TTLL5: variants seen among roughly 807,000 people sequenced by gnomAD.
The protein encoded by TTLL5 is tubulin polyglutamylase TTLL5.
In TTLL5, 132 loss-of-function variants were observed where a neutral mutation model predicts 168.4. The observed-to-expected ratio is 0.78, with a 90% confidence interval of 0.68 to 0.91. The LOEUF is 0.91. Among genes scored for constraint, TTLL5 ranks in the 40% least tolerant of loss-of-function variants. The pLI is 0.00. For synonymous variants in TTLL5, 546 were observed against 558.6 expected (o/e 0.98, Z 0.32); for missense variants, 1,545 against 1,581.5 (o/e 0.98, Z 0.39).
rs1595121382 is a variant in TTLL5 at position 75,834,604 on chromosome 14, C to A, written c.3326+14443C>A. Among the ~76,000 whole-genome samples the A allele has an allele frequency of 2.0e-5, 3 of 152,302 alleles. No individual in the cohort carries two copies. In the East Asian group the frequency reaches 5.8e-4, roughly 29 times the overall value. ...CCATCCCAGGCAGTCTAAATACATA[C>A]CTATGCCCAAAATTCACAGACCGGA... On this transcript the variant is annotated intron_variant, in intron 28 of 31. Coordinates refer to ENST00000298832, the MANE Select transcript of TTLL5 (RefSeq NM_015072.5).
chr14:75,817,471 T>C (rs1243808796), intron 27 of TTLL5, among the ~76,000 whole-genome samples: 2 of 152,192 alleles, frequency 1.3e-5, no homozygotes, highest in African/African-American at 2.4e-5. Context: ...AAGAAAATTA[T>C]TTTTAGTCCT....
At chr14:75,679,337 ACCATAAG>A (rs1884421804) in intron 3 of TTLL5, among the ~76,000 whole-genome samples, 1 of 152,318 alleles carries the variant, frequency 6.6e-6, no homozygotes, top group South Asian at 2.1e-4. Context: ...GAGGAAGGGG[ACCATAAG>A]CCATAAGCCA....
intron 12 of TTLL5, among the ~76,000 whole-genome samples, chr14:75,721,145 C>T (rs541004828): frequency 5.5e-4 from 83 of 152,162 alleles, no homozygotes; most frequent in African/African-American, 2.0e-3. Flanking sequence ...GTGTTCCTCC[C>T]CCTCCTCTCT....
intron 30 of TTLL5, among the ~76,000 whole-genome samples, chr14:75,893,272 C>G (rs2032491140): frequency 6.6e-6 from 1 of 152,176 alleles, no homozygotes; most frequent in Admixed American, 6.5e-5. Flanking sequence ...GAGTCCTCAG[C>G]TAAAAAATTC....
chr14:75,893,287 A>G (rs2032491834), intron 30 of TTLL5, among the ~76,000 whole-genome samples: 1 of 152,218 alleles, frequency 6.6e-6, no homozygotes, highest in South Asian at 2.1e-4. Context: ...AAATTCATTC[A>G]TGTACCAAAA....
At position 75,747,658 on chromosome 14, in the gene TTLL5, C is replaced by G. The variant is rs554223333; in HGVS notation, c.1487+2077C>G. On this transcript the variant is annotated intron_variant, in intron 17 of 31. Transcript: ENST00000298832. ...TTTTTGTCTAGATCCAGGTTAGTTC[C>G]TCCACTAAAGAGTCTTTTGAGGTGT... Among the ~76,000 whole-genome samples, 3 of 152,072 alleles carry G rather than the reference C, an allele frequency of 2.0e-5. No homozygotes were observed. The East Asian group carries it at 5.8e-4, about 29-fold the overall frequency.
chr14:75,903,105 G>A (rs1031311686), intron 31 of TTLL5, among the ~76,000 whole-genome samples: 7 of 152,192 alleles, frequency 4.6e-5, no homozygotes, highest in Non-Finnish European at 8.8e-5. Context: ...GGCACATAAT[G>A]TAGGAACTAT....
In TTLL5 at chr14:75,849,827, G is replaced by A. The variant is rs531644828; in HGVS notation, c.3327-13840G>A. 4.6e-5 allele frequency among the ~76,000 whole-genome samples: 7 copies of A among 152,312 alleles called. No homozygotes were observed. In the South Asian group the frequency reaches 1.0e-3, roughly 23 times the overall value. On this transcript the variant is annotated intron_variant, in intron 28 of 31. Transcript: ENST00000298832. Reference sequence around the variant, plus strand: ...AAGAATATTTGGTGACTGGTCGGGTGTGGTGGCTCACACCTGTAATCCCAA... The same window carrying A: ...AAGAATATTTGGTGACTGGTCGGGTATGGTGGCTCACACCTGTAATCCCAA...
intron 28 of TTLL5, among the ~76,000 whole-genome samples, chr14:75,842,021 T>C (rs892200201): frequency 4.6e-5 from 7 of 152,238 alleles, no homozygotes; most frequent in Admixed American, 1.3e-4. Flanking sequence ...TCCATCCTTC[T>C]ATTAAGAAGC....
intron 28 of TTLL5, among the ~76,000 whole-genome samples, chr14:75,857,599 G>C (rs567121086): frequency 6.6e-6 from 1 of 150,514 alleles, no homozygotes; most frequent in Non-Finnish European, 1.5e-5. Context: ...TTTTGGAAGA[G>C]TTTGTGAAAG....
chr14:75,665,940 T>G (rs1425452962), intron 2 of TTLL5, among the ~76,000 whole-genome samples: 1 of 152,194 alleles, frequency 6.6e-6, no homozygotes, highest in Non-Finnish European at 1.5e-5. Context: ...GTTGCCTATA[T>G]TCATAATTAA....
chr14:75,809,014 G>C (rs1339240247), intron 27 of TTLL5, among the ~76,000 whole-genome samples: 2 of 151,550 alleles, frequency 1.3e-5, no homozygotes, highest in Non-Finnish European at 2.9e-5. Context: ...ACACCACAGA[G>C]AACATTATTT....
At chr14:75,663,281 CTT>C (rs1337308094) in intron 2 of TTLL5, 58 bp downstream of exon 2, 17 of 1,442,982 alleles carry the variant, frequency 1.2e-5, no homozygotes, top group Non-Finnish European at 1.6e-5. Context: ...CTTATATACT[CTT>C]ATATACTGTT....
At chr14:75,887,997 C>T (rs1166995978) in intron 30 of TTLL5, among the ~76,000 whole-genome samples, 1 of 152,118 alleles carries the variant, frequency 6.6e-6, no homozygotes, top group Non-Finnish European at 1.5e-5. Context: ...TGGGAGAGTG[C>T]ATTCTAGGAA....
At chr14:75,916,529 T>C (rs929268567) in intron 31 of TTLL5, among the ~76,000 whole-genome samples, 1 of 151,990 alleles carries the variant, frequency 6.6e-6, no homozygotes, top group African/African-American at 2.4e-5. Flanking sequence ...TTCTAACTAC[T>C]TGGGAGACTG....
chr14:75,901,578 C>G (rs559539905), intron 30 of TTLL5, among the ~76,000 whole-genome samples: 6 of 152,138 alleles, frequency 3.9e-5, no homozygotes, highest in Non-Finnish European at 4.4e-5. Context: ...CTGTGGAATG[C>G]GTAGCAGTAT....
At chr14:75,904,017 T>C in intron 31 of TTLL5, 1 of 986,460 alleles carries the variant, frequency 1.0e-6, no homozygotes, top group Non-Finnish European at 1.3e-6. Context: ...CTATAACTAC[T>C]GTAACTACAC....
intron 31 of TTLL5, chr14:75,930,656 G>A (rs1316534203): frequency 2.0e-5 from 20 of 984,868 alleles, no homozygotes; most frequent in South Asian, 4.7e-5. Flanking sequence ...GATAAGTGAC[G>A]GGGGGAAATG....
chr14:75,844,163 G>A (rs1896417225), intron 28 of TTLL5, among the ~76,000 whole-genome samples: 1 of 152,108 alleles, frequency 6.6e-6, no homozygotes, highest in African/African-American at 2.4e-5. Context: ...TTACAGACGT[G>A]AGCCGCCTGG....
Sources: gnomAD v4.1 joint callset for allele counts (sites outside exome capture counted in the v4.1 genomes callset) on GRCh38, gnomAD v4.1.1 for gene constraint, MANE v1.5 for transcripts, NCBI Gene and HGNC (gene_info 2026-07-23, HGNC 2026-07-21) for gene names.